Variants in GPR39 observed in about 807,000 individuals in gnomAD.
GPR39 encodes G protein-coupled receptor 39.
GPR39 carries 23 observed loss-of-function variants against 18.4 expected under a neutral mutation model. That is an observed-to-expected ratio of 1.25 (90% CI 0.90 to 1.77). The LOEUF is 1.77. Among genes scored for constraint, GPR39 ranks in the 40% most tolerant of loss-of-function variants. The probability of loss-of-function intolerance (pLI) is 0.00; values close to 1 mark genes in which losing one functional copy is unlikely to be tolerated. For synonymous variants in GPR39, 280 were observed against 257.9 expected, an observed-to-expected ratio of 1.09 and a Z score of -0.82; for missense variants, 647 against 602.4, an observed-to-expected ratio of 1.07 and a Z score of -0.78.
chr2:132,524,708 A>G (rs1484214460), intron 1 of GPR39, among the ~76,000 whole-genome samples: 1 of 152,200 alleles, frequency 6.6e-6, no homozygotes, highest in Non-Finnish European at 1.5e-5. Context: ...CTGAAACACC[A>G]CAGCCTCCAA....
At chr2:132,426,274 G>A (rs555575801) in intron 1 of GPR39, among the ~76,000 whole-genome samples, 43 of 152,352 alleles carry the variant, frequency 2.8e-4, no homozygotes, top group African/African-American at 1.0e-3. Context: ...ATGTTCACTG[G>A]ACTTTTAAAC....
intron 1 of GPR39, among the ~76,000 whole-genome samples, chr2:132,539,520 TAG>T (rs1679823939): frequency 6.6e-6 from 1 of 152,208 alleles, no homozygotes. Context: ...CCCACTATGC[TAG>T]AGTGTTAGGG....
intron 1 of GPR39, among the ~76,000 whole-genome samples, chr2:132,470,748 AG>A (rs1437242634): frequency 4.8e-5 from 5 of 104,516 alleles, no homozygotes; most frequent in Admixed American, 3.5e-4. Context: ...GGAGACAGGG[AG>A]GGCACGGAAA....
chr2:132,492,476 A>G (rs1681495709), intron 1 of GPR39, among the ~76,000 whole-genome samples: 1 of 143,662 alleles, frequency 7.0e-6, no homozygotes, highest in African/African-American at 2.5e-5. Flanking sequence ...CCATATATAT[A>G]CACCATATAT....
At chr2:132,437,535 CTGGGCCTG>C (rs1401640888) in intron 1 of GPR39, among the ~76,000 whole-genome samples, 1 of 152,184 alleles carries the variant, frequency 6.6e-6, no homozygotes, top group African/African-American at 2.4e-5. Context: ...CGTGTCATGT[CTGGGCCTG>C]TGGGTTGGCG....
At chr2:132,632,011 G>A (rs1458563920) in intron 1 of GPR39, among the ~76,000 whole-genome samples, 6 of 152,012 alleles carry the variant, frequency 3.9e-5, no homozygotes, top group Non-Finnish European at 8.8e-5. Flanking sequence ...TACTAGAGAC[G>A]GGGCTTGCCA....
At chr2:132,495,265 C>G (rs1469552134) in intron 1 of GPR39, among the ~76,000 whole-genome samples, 1 of 152,158 alleles carries the variant, frequency 6.6e-6, no homozygotes, top group East Asian at 1.9e-4. Context: ...GCAAGTGAAC[C>G]TTACATTTGT....
intron 1 of GPR39, among the ~76,000 whole-genome samples, chr2:132,541,009 C>T (rs1679851894): frequency 6.6e-6 from 1 of 152,034 alleles, no homozygotes; most frequent in Non-Finnish European, 1.5e-5. Context: ...ATTGACCTGC[C>T]TCTCATCTTG....
chr2:132,494,981 C>T (rs1240734382), intron 1 of GPR39, among the ~76,000 whole-genome samples: 1 of 152,052 alleles, frequency 6.6e-6, no homozygotes, highest in Non-Finnish European at 1.5e-5. Context: ...AAAGGGAGCA[C>T]CCTGAGGGGA....
chr2:132,639,245 T>C (rs1302431333), intron 1 of GPR39, among the ~76,000 whole-genome samples: 1 of 150,826 alleles, frequency 6.6e-6, no homozygotes, highest in Non-Finnish European at 1.5e-5. Context: ...TACAGAGAAC[T>C]TGAATGGGGG....
chr2:132,522,372 G>C (rs1233974846), intron 1 of GPR39, among the ~76,000 whole-genome samples: 3 of 152,164 alleles, frequency 2.0e-5, no homozygotes, highest in African/African-American at 4.8e-5. Context: ...GAGAATGCTA[G>C]ACATCAATAG....
intron 1 of GPR39, among the ~76,000 whole-genome samples, chr2:132,528,971 C>T (rs1485006754): frequency 6.6e-6 from 1 of 152,098 alleles, no homozygotes; most frequent in African/African-American, 2.4e-5. Flanking sequence ...TTCTGCATTT[C>T]CAACTGAGGT....
chr2:132,486,678 T>C (rs1405072692), intron 1 of GPR39, among the ~76,000 whole-genome samples: 2 of 152,234 alleles, frequency 1.3e-5, no homozygotes, highest in Non-Finnish European at 2.9e-5. Flanking sequence ...TCAGCCTTCA[T>C]AGAATTAAAG....
intron 1 of GPR39, among the ~76,000 whole-genome samples, chr2:132,498,209 C>G (rs1310210245): frequency 2.0e-5 from 3 of 152,128 alleles, no homozygotes; most frequent in Non-Finnish European, 4.4e-5. Context: ...GTACACTGTA[C>G]CCACTGTGTA....
intron 1 of GPR39, among the ~76,000 whole-genome samples, chr2:132,614,488 C>A (rs1279391298): frequency 6.6e-6 from 1 of 152,096 alleles, no homozygotes. Flanking sequence ...ATCCACATAC[C>A]TCGGCCTCCC....
At chr2:132,596,578 C>A (rs1392002305) in intron 1 of GPR39, among the ~76,000 whole-genome samples, 1 of 152,022 alleles carries the variant, frequency 6.6e-6, no homozygotes, top group Non-Finnish European at 1.5e-5. Flanking sequence ...TTTTTTCATT[C>A]ACCTTCCTTT....
At chr2:132,546,750 T>C (rs1413439135) in intron 1 of GPR39, among the ~76,000 whole-genome samples, 1 of 147,320 alleles carries the variant, frequency 6.8e-6, no homozygotes, top group Non-Finnish European at 1.5e-5. Context: ...CCTTGACAGT[T>C]CCGGGGCCTC....
chr2:132,497,261 C>T (rs13389584), intron 1 of GPR39, among the ~76,000 whole-genome samples: 53,068 of 151,932 alleles, frequency 0.35, 10,912 homozygotes, highest in East Asian at 0.91. Flanking sequence ...CCTCAAGCAA[C>T]GGGAAAATTG....
At chr2:132,580,219 A>C (rs1680599091) in intron 1 of GPR39, among the ~76,000 whole-genome samples, 1 of 152,238 alleles carries the variant, frequency 6.6e-6, no homozygotes, top group East Asian at 1.9e-4. Context: ...TTAAGAATCA[A>C]ATGGATAACT....
Sources: allele counts gnomAD v4.1 joint callset (sites outside exome capture counted in the v4.1 genomes callset), GRCh38; gene constraint gnomAD v4.1.1; transcripts MANE v1.5; gene names NCBI Gene and HGNC (gene_info 2026-07-23, HGNC 2026-07-21).